Variants in DMD observed in about 807,000 individuals in gnomAD.
The protein encoded by DMD is mutant dystrophin.
Under a neutral mutation model 330.1 loss-of-function variants are expected in DMD, and 63 were observed. That is an observed-to-expected ratio of 0.19 (90% confidence interval 0.16 to 0.24). The LOEUF (loss-of-function observed/expected upper bound fraction) is 0.24. Ranked by LOEUF, DMD falls within the 10% of genes least tolerant of loss-of-function variation. DMD has a pLI of 1.00. For missense variants in DMD, 3,344 were observed against 2,684.1 expected (o/e 1.25, Z -5.43); for synonymous variants, 1,223 against 959.8 (o/e 1.27, Z -5.07).
intron 27 of DMD, among the ~76,000 whole-genome samples, chrX:32,442,206 C>T (rs2098283964): frequency 9.1e-6 from 1 of 110,303 alleles, no homozygotes. Flanking sequence ...AAAATTAGGA[C>T]CTTCTATTCA....
intron 20 of DMD, among the ~76,000 whole-genome samples, chrX:32,487,325 C>T (rs1267367136): frequency 9.0e-6 from 1 of 111,176 alleles, no homozygotes; most frequent in Non-Finnish European, 1.9e-5. Flanking sequence ...ATCATGGCTG[C>T]TTACTTACAA....
chrX:32,540,492 T>C (rs2048389418), intron 17 of DMD, among the ~76,000 whole-genome samples: 2 of 111,655 alleles, frequency 1.8e-5, no homozygotes, highest in South Asian at 3.7e-4. Context: ...TTATTAAAGA[T>C]CATCAGGATG....
At chrX:32,428,442 T>C (rs1226032613) in intron 29 of DMD, among the ~76,000 whole-genome samples, 1 of 111,793 alleles carries the variant, frequency 8.9e-6, no homozygotes, top group Non-Finnish European at 1.9e-5. Context: ...AGTCTTTATA[T>C]CCACCTTATC....
chrX:32,694,412 T>A (rs1007647954), intron 9 of DMD, among the ~76,000 whole-genome samples: 2 of 111,901 alleles, frequency 1.8e-5, no homozygotes, highest in African/African-American at 6.5e-5. Flanking sequence ...AACCTGTTCC[T>A]TCTACAGTCT....
At chrX:32,240,016 C>T (rs2097202133) in intron 43 of DMD, among the ~76,000 whole-genome samples, 1 of 111,256 alleles carries the variant, frequency 9.0e-6, no homozygotes. Flanking sequence ...AATATTTCTG[C>T]TTTTTGTTTT....
At chrX:32,776,157 A>T (rs1183575587) in intron 7 of DMD, among the ~76,000 whole-genome samples, 1 of 111,097 alleles carries the variant, frequency 9.0e-6, no homozygotes, top group East Asian at 2.9e-4. Context: ...CAAGTTCCTC[A>T]TCTCCATCTG....
intron 25 of DMD, among the ~76,000 whole-genome samples, chrX:32,455,949 A>G (rs1333972627): frequency 9.0e-6 from 1 of 111,360 alleles, no homozygotes; most frequent in Non-Finnish European, 1.9e-5. Flanking sequence ...CATCTAAAAG[A>G]AAATCATACA....
chrX:32,626,094 C>A (rs962685508), intron 11 of DMD, among the ~76,000 whole-genome samples: 51 of 112,280 alleles, frequency 4.5e-4, no homozygotes, highest in African/African-American at 1.5e-3. Flanking sequence ...ATTTTTAATG[C>A]ATGTTTTTAC....
In DMD at chrX:31,627,662, G is replaced by A. The variant is rs2078915693; in HGVS notation, c.8217+11C>T. The A allele has an allele frequency of 1.7e-6, 2 of 1,209,106 alleles. No individual in the cohort carries two copies. Among genetic ancestry groups the A allele is most frequent in the African/African-American group, 1.7e-5 (1 of 57,835 alleles). ...TCCACAAGAGTGCTAAAGCGGAAAT[G>A]CCTGACTTACTTGCCATTGTTTCAT... is the stretch of plus-strand genomic sequence containing the variant. On this transcript the variant is annotated intron_variant, in intron 55 of 78. Coordinates refer to ENST00000357033, the MANE Select transcript of DMD (RefSeq NM_004006.3).
At chrX:31,488,902 C>T (rs769431084) in intron 57 of DMD, among the ~76,000 whole-genome samples, 1 of 111,849 alleles carries the variant, frequency 8.9e-6, no homozygotes, top group Admixed American at 9.5e-5. Context: ...TCTTTACTCA[C>T]AGAATAAAAT....
At chrX:31,551,232 A>G (rs1182016462) in intron 55 of DMD, among the ~76,000 whole-genome samples, 1 of 109,587 alleles carries the variant, frequency 9.1e-6, no homozygotes, top group Non-Finnish European at 1.9e-5. Flanking sequence ...AATCTGGGGA[A>G]CTGGGGCTCA....
intron 55 of DMD, among the ~76,000 whole-genome samples, chrX:31,569,623 C>CACACATATAT (rs1569551971): frequency 6.7e-4 from 58 of 86,556 alleles, no homozygotes; most frequent in African/African-American, 2.4e-3. Flanking sequence ...CGTATATATA[C>CACACATATAT]GTATATACGT....
intron 54 of DMD, among the ~76,000 whole-genome samples, chrX:31,630,184 G>A (rs2079061745): frequency 9.0e-6 from 1 of 111,494 alleles, no homozygotes; most frequent in Admixed American, 9.5e-5. Context: ...GAGTTCTACC[G>A]AGACAATGTG....
At position 32,595,880 on chromosome X, in the gene DMD, A is replaced by G; in HGVS notation, c.1483-4T>C. 1.7e-6 allele frequency: 2 copies of G among 1,186,773 alleles called. No individual in the cohort carries two copies. The highest frequency in any genetic ancestry group is 1.7e-5 in the African/African-American group (1 of 57,247). ...GTTCTAGATCTTCTTGAAGCACCTGAAAGATAAAATGTTTTAAAGGAAATT... is the reference window on the plus strand; with the variant it reads ...GTTCTAGATCTTCTTGAAGCACCTGGAAGATAAAATGTTTTAAAGGAAATT... On this transcript the variant is annotated splice_polypyrimidine_tract_variant and splice_region_variant and intron_variant, in intron 12 of 78. Coordinates refer to ENST00000357033, the MANE Select transcript of DMD (RefSeq NM_004006.3).
chrX:31,640,329 C>T (rs1427282577), intron 54 of DMD, among the ~76,000 whole-genome samples: 7 of 112,442 alleles, frequency 6.2e-5, no homozygotes, highest in Non-Finnish European at 1.3e-4. Flanking sequence ...GCAACAAACA[C>T]GCTGGAAGGA....
intron 67 of DMD, among the ~76,000 whole-genome samples, chrX:31,193,427 T>C (rs918062607): frequency 1.8e-5 from 2 of 111,891 alleles, no homozygotes; most frequent in African/African-American, 6.5e-5. Flanking sequence ...GTGATATTCA[T>C]GAATAGACGG....
rs2032031363 is a variant in DMD at position 31,119,762 on chromosome X, A to T, written c.*2157T>A. The T allele has an allele frequency of 8.9e-6, 1 of 112,313 alleles. No homozygotes were observed. Among genetic ancestry groups the T allele is most frequent in the Admixed American group, 9.5e-5 (1 of 10,511 alleles). The allele number at this position is 112,313 out of a possible 1,213,427, so 9.3% of individuals were successfully genotyped here. ...GAGTTTTAAAAATCCTTGGGTAAAG[A>T]AAAGGTCCAGCGTCACATAAAGGAA... On this transcript the variant is annotated 3_prime_UTR_variant, in exon 79 of 79. Coordinates refer to ENST00000357033, the MANE Select transcript of DMD (RefSeq NM_004006.3).
At chrX:31,768,169 GA>G (rs375833133) in intron 51 of DMD, among the ~76,000 whole-genome samples, 2 of 110,005 alleles carry the variant, frequency 1.8e-5, no homozygotes, top group African/African-American at 6.6e-5. Flanking sequence ...AAACGGAATT[GA>G]AAAAAAAGAC....
Position 31,273,713 on chromosome X carries a change from G to A in DMD, c.9225-12697C>T, listed in dbSNP as rs149979101. Among the ~76,000 whole-genome samples the A allele has an allele frequency of 9.4e-4, 103 of 110,036 alleles. 1 individual carries two copies. The highest frequency in any genetic ancestry group is 3.4e-3 in the African/African-American group (103 of 30,246). On this transcript the variant is annotated intron_variant, in intron 62 of 78. Transcript: ENST00000357033. ...TGAGATGAATATCTACAAGAATCAC[G>A]CTTTATCAAAAGCAGCTTCCTTAAT...
Sources: allele counts gnomAD v4.1 joint callset (sites outside exome capture counted in the v4.1 genomes callset), GRCh38; gene constraint gnomAD v4.1.1; transcripts MANE v1.5; gene names NCBI Gene and HGNC (gene_info 2026-07-23, HGNC 2026-07-21).